NWD1: variants seen among roughly 807,000 people sequenced by gnomAD.
The protein encoded by NWD1 is NACHT and WD repeat domain containing 1.
NWD1 carries 129 observed loss-of-function variants against 135.1 expected under a neutral mutation model. That is an observed-to-expected ratio of 0.96 (90% confidence interval 0.83 to 1.11). The LOEUF is 1.11. Ranked by LOEUF, NWD1 falls within the 50% of genes least tolerant of loss-of-function variation. NWD1 has a pLI of 0.00. For missense variants in NWD1, 1,740 were observed against 1,851.3 expected, an observed-to-expected ratio of 0.94 and a Z score of 1.10; for synonymous variants, 773 against 786.0, an observed-to-expected ratio of 0.98 and a Z score of 0.28.
chr19:16,745,079 C>A, intron 5 of NWD1: 1 of 475,136 alleles, frequency 2.1e-6, no homozygotes, highest in Non-Finnish European at 4.1e-6. Context: ...TTCCACATGG[C>A]TGGGGAGGCC....
intron 2 of NWD1, among the ~76,000 whole-genome samples, chr19:16,729,324 T>G (rs1444209361): frequency 1.3e-5 from 2 of 151,920 alleles, no homozygotes; most frequent in Non-Finnish European, 2.9e-5. Context: ...ACCTGTCATA[T>G]CCACACCAGA....
At chr19:16,739,220 T>C (rs1967980480) in intron 4 of NWD1, among the ~76,000 whole-genome samples, 1 of 144,476 alleles carries the variant, frequency 6.9e-6, no homozygotes, top group Admixed American at 7.2e-5. Context: ...AGGCTGACCA[T>C]GGTGGCTCAT....
chr19:16,760,725 G>A (rs1260692949), intron 7 of NWD1, among the ~76,000 whole-genome samples: 1 of 152,056 alleles, frequency 6.6e-6, no homozygotes, highest in Non-Finnish European at 1.5e-5. Context: ...TGAGTAGCTA[G>A]GTTTACAAGC....
At chr19:16,756,821 T>A (rs1323128856) in intron 6 of NWD1, among the ~76,000 whole-genome samples, 1 of 152,134 alleles carries the variant, frequency 6.6e-6, no homozygotes, top group African/African-American at 2.4e-5. Context: ...TACAGCCACT[T>A]CTTGCTGCTC....
At chr19:16,768,650 A>T (rs1969312722) in intron 10 of NWD1, among the ~76,000 whole-genome samples, 1 of 152,178 alleles carries the variant, frequency 6.6e-6, no homozygotes, top group Non-Finnish European at 1.5e-5. Context: ...TTTTACATGC[A>T]CAGAAGTTTC....
Position 16,720,024 on chromosome 19 carries a change from C to T in NWD1, c.-374C>T, listed in dbSNP as rs1967081785. On this transcript the variant is annotated 5_prime_UTR_variant, in exon 1 of 19. Transcript: ENST00000524140. ...ACTACCAGCAAAGGCTAAAGAGAGG[C>T]TGGAGCCCCCAGGACAGCCAGAACG... 1 of 152,262 alleles carries T rather than the reference C, an allele frequency of 6.6e-6. No homozygotes were observed. Among genetic ancestry groups the T allele is most frequent in the South Asian group, 2.1e-4 (1 of 4,834 alleles). The allele number at this position is 152,262 out of a possible 1,614,324, so 9.4% of individuals were successfully genotyped here.
intron 12 of NWD1, among the ~76,000 whole-genome samples, chr19:16,779,699 G>T (rs922618274): frequency 1.3e-5 from 2 of 152,038 alleles, no homozygotes; most frequent in Non-Finnish European, 2.9e-5. Context: ...GTGCAGTGGT[G>T]TGTTTATAAC....
chr19:16,726,398 T>C (rs978310421), intron 2 of NWD1, among the ~76,000 whole-genome samples: 7 of 152,278 alleles, frequency 4.6e-5, no homozygotes, highest in African/African-American at 1.7e-4. Flanking sequence ...GAACAAGCCA[T>C]TGTGCTCAGC....
intron 6 of NWD1, among the ~76,000 whole-genome samples, chr19:16,758,106 C>T (rs928026730): frequency 6.6e-6 from 1 of 151,786 alleles, no homozygotes; most frequent in African/African-American, 2.4e-5. Context: ...ACATTATTAC[C>T]AATATGGTAA....
In NWD1 at chr19:16,789,031, T is replaced by C; in HGVS notation, c.2781T>C (p.Ser927=). The part of the protein sequence containing the change: ...KIFAKGTLAN[S]ASKDYTLHLW... ...TTGCCAAAGGGACCCTCGCCAACTC[T>C]GCTTCAAAGGATTACACGCTGCACT... Residue 927 remains serine (S), a synonymous_variant, in exon 13 of 19, where the codon TCT becomes TCC. Transcript: ENST00000524140. The C allele has an allele frequency of 6.2e-7, 1 of 1,612,956 alleles. No homozygotes were observed.
At chr19:16,739,248 T>C (rs1182934672) in intron 4 of NWD1, among the ~76,000 whole-genome samples, 1 of 138,780 alleles carries the variant, frequency 7.2e-6, no homozygotes, top group Non-Finnish European at 1.5e-5. Context: ...ATCCCGCACT[T>C]CAGGAGGCTG....
At chr19:16,752,260 G>A (rs992736166) in intron 6 of NWD1, among the ~76,000 whole-genome samples, 4 of 150,724 alleles carry the variant, frequency 2.7e-5, no homozygotes, top group African/African-American at 7.4e-5. Context: ...GACCTTTGTC[G>A]GTTACCACAA....
At chr19:16,797,600 G>A (rs1970458930) in intron 15 of NWD1, 132 bp from the exon 16 acceptor site, 1 of 766,486 alleles carries the variant, frequency 1.3e-6, no homozygotes, top group African/African-American at 1.7e-5. Context: ...TGCCCGCCTT[G>A]GCGTCCCAAA....
chr19:16,816,864 C>G lies in NWD1; in HGVS notation c.*1825C>G, dbSNP rs535892080. 1 of 152,282 alleles carries G rather than the reference C, an allele frequency of 6.6e-6. No homozygotes were observed. The highest frequency in any genetic ancestry group is 6.5e-5 in the Admixed American group (1 of 15,290). The allele number at this position is 152,282 out of a possible 1,614,324, so 9.4% of individuals were successfully genotyped here. A position where few individuals can be genotyped will look rare whatever the true frequency, so the allele number is the denominator to read the frequency against. On this transcript the variant is annotated 3_prime_UTR_variant, in exon 19 of 19. Coordinates refer to ENST00000524140, the MANE Select transcript of NWD1 (RefSeq NM_001007525.5). ...TTGGTAGTTCTGCAAATGTTAGTGT[C>G]AAATTTCATTTAAAAATATTTTAAA...
chr19:16,773,394 T>C, intron 11 of NWD1, 71 bp downstream of exon 11: 1 of 1,373,188 alleles, frequency 7.3e-7, no homozygotes, highest in Non-Finnish European at 1.0e-6. Flanking sequence ...GGCCAGGTGT[T>C]TGAGGTTGTC....
rs537185499 is a variant in NWD1, at chr19:16,771,618, A to G, written c.2411-1508A>G. Among the ~76,000 whole-genome samples the G allele has an allele frequency of 3.2e-4, 49 of 152,260 alleles. 1 individual carries two copies. The highest frequency in any genetic ancestry group is 1.2e-3 in the African/African-American group (48 of 41,546). On this transcript the variant is annotated intron_variant, in intron 10 of 18. Coordinates refer to ENST00000524140, the MANE Select transcript of NWD1 (RefSeq NM_001007525.5). ...TTGGGCATGACTTCCCATTTTAAGG[A>G]AGATTTAAAAGCCCAGATCTCTCAG...
chr19:16,763,644 C>CT (rs1969102889), intron 8 of NWD1, among the ~76,000 whole-genome samples, 184 bp from the exon 9 acceptor site: 1 of 152,198 alleles, frequency 6.6e-6, no homozygotes, highest in South Asian at 2.1e-4. Flanking sequence ...CTTTGATTCT[C>CT]TGAGTCCCAG....
At chr19:16,725,402 C>T (rs1474267405) in intron 2 of NWD1, among the ~76,000 whole-genome samples, 1 of 151,738 alleles carries the variant, frequency 6.6e-6, no homozygotes, top group African/African-American at 2.4e-5. Flanking sequence ...CACTTGAGCC[C>T]AGGAGATCGA....
chr19:16,808,549 A>AAAAAGAAAAG lies in NWD1; in HGVS notation c.4287+429_4287+438dup, dbSNP rs537771096. 7.7e-4 allele frequency among the ~76,000 whole-genome samples: 117 copies of AAAAAGAAAAG among 151,970 alleles called. 1 individual carries two copies. The highest frequency in any genetic ancestry group is 2.7e-3 in the African/African-American group (110 of 41,378). ...TGACTACAGACACTCCGTTTAAAAAAAAAAGAAAAGAAAAGAAAAGAAAAG... is the reference window on the plus strand; with the variant it reads ...TGACTACAGACACTCCGTTTAAAAAAAAAAGAAAAGAAAAGAAAAGAAAAGAAAAGAAAAG... On this transcript the variant is annotated intron_variant, in intron 18 of 18. Coordinates refer to ENST00000524140, the MANE Select transcript of NWD1 (RefSeq NM_001007525.5).
Sources: gnomAD v4.1 joint callset for allele counts (sites outside exome capture counted in the v4.1 genomes callset) on GRCh38, gnomAD v4.1.1 for gene constraint, MANE v1.5 for transcripts, NCBI Gene and HGNC (gene_info 2026-07-23, HGNC 2026-07-21) for gene names.